SEZ6L: variants seen among roughly 807,000 people sequenced by gnomAD.
SEZ6L encodes seizure 6-like protein.
A neutral mutation model predicts 106.2 loss-of-function variants in SEZ6L; 37 were observed. That is an observed-to-expected ratio of 0.35 (90% CI 0.27 to 0.46). The LOEUF (loss-of-function observed/expected upper bound fraction) is 0.46. Ranked by LOEUF, SEZ6L falls within the 20% of genes least tolerant of loss-of-function variation. SEZ6L has a pLI of 1.00. For missense variants in SEZ6L, 1,172 were observed against 1,332.8 expected, an observed-to-expected ratio of 0.88 and a Z score of 1.88; for synonymous variants, 541 against 570.4, an observed-to-expected ratio of 0.95 and a Z score of 0.73.
intron 1 of SEZ6L, among the ~76,000 whole-genome samples, chr22:26,286,416 G>A (rs2080934401): frequency 6.6e-6 from 1 of 152,170 alleles, no homozygotes; most frequent in Admixed American, 6.5e-5. Context: ...TTTGGAAAAT[G>A]CCAAAAAGTA....
intron 9 of SEZ6L, among the ~76,000 whole-genome samples, chr22:26,322,943 C>T (rs1012380245): frequency 6.6e-6 from 1 of 152,170 alleles, no homozygotes; most frequent in Non-Finnish European, 1.5e-5. Flanking sequence ...CTCTCCACAC[C>T]CCTTCCCCAA....
At chr22:26,319,844 G>A (rs570899462) in intron 9 of SEZ6L, among the ~76,000 whole-genome samples, 3 of 152,298 alleles carry the variant, frequency 2.0e-5, no homozygotes, top group South Asian at 2.1e-4. Flanking sequence ...ATAAATAAAA[G>A]GCAAGGAAGT....
chr22:26,236,043 C>G (rs1333734210), intron 1 of SEZ6L, among the ~76,000 whole-genome samples: 1 of 152,216 alleles, frequency 6.6e-6, no homozygotes, highest in African/African-American at 2.4e-5. Flanking sequence ...TGGATCTTGC[C>G]CCCCTGTCTC....
At chr22:26,374,855 G>A (rs2084164682) in intron 14 of SEZ6L, among the ~76,000 whole-genome samples, 2 of 152,316 alleles carry the variant, frequency 1.3e-5, no homozygotes, top group South Asian at 4.1e-4. Context: ...TTGCCACAGT[G>A]GGAGGTTGAG....
intron 11 of SEZ6L, among the ~76,000 whole-genome samples, chr22:26,348,684 AAG>A (rs1174257099): frequency 1.2e-5 from 1 of 81,252 alleles, no homozygotes; most frequent in African/African-American, 5.2e-5. Context: ...GAAAGAAAGA[AAG>A]AAAGAAAGAA....
At position 26,312,049 on chromosome 22, in the gene SEZ6L, T is replaced by A. The variant is rs117462064; in HGVS notation, c.1876+87T>A. The A allele has an allele frequency of 2.6e-3, 3,482 of 1,316,558 alleles. 109 individuals carry two copies. The East Asian group carries it at 0.061, about 23-fold the overall frequency. The allele number at this position is 1,316,558 out of a possible 1,614,324, so 81.6% of individuals were successfully genotyped here. A position where few individuals can be genotyped will look rare whatever the true frequency, so the allele number is the denominator to read the frequency against. ...AGACCAAGGCCCCAGCTTAGAGGCC[T>A]GTCCCCAGTTTTCATACCAACTTTA... is the stretch of plus-strand genomic sequence containing the variant. On this transcript the variant is annotated intron_variant, in intron 8 of 16. Coordinates refer to ENST00000248933, the MANE Select transcript of SEZ6L (RefSeq NM_021115.5).
chr22:26,327,091 C>A (rs978538309), intron 9 of SEZ6L, among the ~76,000 whole-genome samples: 5 of 152,174 alleles, frequency 3.3e-5, no homozygotes, highest in Admixed American at 2.0e-4. Context: ...CAGGAAGCGG[C>A]GACCCCAGCC....
rs144740621 is a variant in SEZ6L at position 26,297,023 on chromosome 22, G to A, written c.1105G>A (p.Val369Ile). The change falls in exon 4 of 17, where the codon GTC becomes ATC. Residue 369 changes from valine (V) to isoleucine (I), a missense_variant. Coordinates refer to ENST00000248933, the MANE Select transcript of SEZ6L (RefSeq NM_021115.5). ...VIRSPTNTIS[V>I]YFRTFQDDGL... ...CCGAAGCCCCACCAACACCATCTCC[G>A]TCTACTTCCGGACCTTCCAGGACGA... 22 of 1,613,946 alleles carry A rather than the reference G, an allele frequency of 1.4e-5. No individual in the cohort carries two copies. The highest frequency in any genetic ancestry group is 3.3e-5 in the South Asian group (3 of 91,062).
At chr22:26,201,566 T>G (rs1940962232) in intron 1 of SEZ6L, among the ~76,000 whole-genome samples, 1 of 151,206 alleles carries the variant, frequency 6.6e-6, no homozygotes, top group Non-Finnish European at 1.5e-5. Context: ...GTCTCAAAAA[T>G]AAAAAATAAA....
chr22:26,248,531 A>G (rs1452620622), intron 1 of SEZ6L, among the ~76,000 whole-genome samples: 1 of 152,138 alleles, frequency 6.6e-6, no homozygotes, highest in Non-Finnish European at 1.5e-5. Flanking sequence ...GATTGTTGTA[A>G]TGACCTCTTT....
At chr22:26,223,130 C>A (rs189339515) in intron 1 of SEZ6L, among the ~76,000 whole-genome samples, 11 of 152,294 alleles carry the variant, frequency 7.2e-5, no homozygotes, top group African/African-American at 2.6e-4. Flanking sequence ...TCACCCCAAA[C>A]GTGGTAGTCA....
chr22:26,337,877 G>A (rs2082693917), intron 9 of SEZ6L, among the ~76,000 whole-genome samples: 2 of 152,154 alleles, frequency 1.3e-5, no homozygotes, highest in Admixed American at 1.3e-4. Context: ...AACTACGAGA[G>A]GTATGGTGGA....
intron 1 of SEZ6L, among the ~76,000 whole-genome samples, chr22:26,189,766 C>T (rs1021164764): frequency 1.3e-5 from 2 of 152,044 alleles, no homozygotes; most frequent in Non-Finnish European, 2.9e-5. Flanking sequence ...TACTGGCAGA[C>T]GACTGTAATA....
intron 9 of SEZ6L, among the ~76,000 whole-genome samples, chr22:26,339,574 A>G (rs2082759200): frequency 6.6e-6 from 1 of 152,192 alleles, no homozygotes; most frequent in Admixed American, 6.5e-5. Context: ...TAACAGTATG[A>G]ATGGTGACAG....
chr22:26,340,383 T>C (rs1191196425), intron 9 of SEZ6L, 53 bp from the exon 10 acceptor site: 3 of 1,514,818 alleles, frequency 2.0e-6, no homozygotes, highest in African/African-American at 1.4e-5. Context: ...CAAGGGTTTA[T>C]TGAATGCCCA....
At chr22:26,300,674 A>G (rs951795862) in intron 5 of SEZ6L, among the ~76,000 whole-genome samples, 1 of 152,202 alleles carries the variant, frequency 6.6e-6, no homozygotes, top group Non-Finnish European at 1.5e-5. Flanking sequence ...ATACCCAGTA[A>G]TGGGATTGCT....
chr22:26,229,156 C>G (rs1266161962), intron 1 of SEZ6L, among the ~76,000 whole-genome samples: 5 of 152,154 alleles, frequency 3.3e-5, no homozygotes, highest in Non-Finnish European at 7.4e-5. Flanking sequence ...GCCACCACAC[C>G]TGGATAATTT....
intron 1 of SEZ6L, among the ~76,000 whole-genome samples, chr22:26,273,635 C>T (rs574622721): frequency 5.3e-5 from 8 of 152,312 alleles, no homozygotes; most frequent in African/African-American, 1.2e-4. Flanking sequence ...TCCACTCCTC[C>T]GCATGCACTG....
chr22:26,229,954 C>G (rs527709662), intron 1 of SEZ6L, among the ~76,000 whole-genome samples: 5 of 152,330 alleles, frequency 3.3e-5, no homozygotes, highest in Admixed American at 2.0e-4. Context: ...AATAAGCCTT[C>G]TCTCTCTGAA....
Sources: allele counts gnomAD v4.1 joint callset (sites outside exome capture counted in the v4.1 genomes callset), GRCh38; gene constraint gnomAD v4.1.1; transcripts MANE v1.5; gene names NCBI Gene and HGNC (gene_info 2026-07-23, HGNC 2026-07-21).